The following FRMD4A variants were observed in gnomAD, a reference collection of about 807,000 sequenced individuals.
The protein encoded by FRMD4A is FERM domain-containing protein 4A.
FRMD4A carries 29 observed loss-of-function variants against 129.1 expected under a neutral mutation model. The observed-to-expected ratio is 0.22, with a 90% CI of 0.17 to 0.31. The LOEUF (loss-of-function observed/expected upper bound fraction) is 0.31. Ranked by LOEUF, FRMD4A falls within the 10% of genes least tolerant of loss-of-function variation. FRMD4A has a pLI of 1.00. For missense variants in FRMD4A, 1,272 were observed against 1,375.8 expected, an observed-to-expected ratio of 0.92 and a Z score of 1.19; for synonymous variants, 634 against 571.6, an observed-to-expected ratio of 1.11 and a Z score of -1.56.
At chr10:13,684,571 G>A in intron 15 of FRMD4A, 5 of 985,478 alleles carry the variant, frequency 5.1e-6, no homozygotes, top group Non-Finnish European at 4.8e-6. Context: ...GCCTCTTTCA[G>A]CCTCATTCAG....
Position 13,657,144 on chromosome 10 carries a change from GCCCCC to G in FRMD4A, c.2440_2444del (p.Gly814ArgfsTer184). 4 of 1,380,534 alleles carry G rather than the reference GCCCCC, an allele frequency of 2.9e-6. No homozygotes were observed. The highest frequency in any genetic ancestry group is 3.8e-6 in the Non-Finnish European group (4 of 1,039,100). 85.5% of individuals were successfully genotyped at this position (1,380,534 alleles called of 1,614,324 possible). A position where few individuals can be genotyped will look rare whatever the true frequency, so the allele number is the denominator to read the frequency against. On this transcript the variant is annotated frameshift_variant, in exon 22 of 25. Coordinates refer to ENST00000357447, the MANE Select transcript of FRMD4A (RefSeq NM_018027.5). LOFTEE classifies it high-confidence loss of function. ...TGTGCAGGTACACACCGCCCCCCGC[GCCCCC>G]CGCGCCCCCCGCACCCCCGCGCGCC...
chr10:14,172,094 T>C (rs1266246684), intron 2 of FRMD4A, among the ~76,000 whole-genome samples: 1 of 152,196 alleles, frequency 6.6e-6, no homozygotes, highest in Non-Finnish European at 1.5e-5. Flanking sequence ...ATGATGATAT[T>C]GTAGGTCACT....
chr10:13,939,576 C>T (rs2095275129), intron 2 of FRMD4A, among the ~76,000 whole-genome samples: 1 of 152,134 alleles, frequency 6.6e-6, no homozygotes, highest in African/African-American at 2.4e-5. Context: ...GTTATTTTTT[C>T]CTCCAGAAAA....
chr10:13,684,893 A>G (rs926321514), intron 15 of FRMD4A: 14 of 984,380 alleles, frequency 1.4e-5, no homozygotes, highest in Non-Finnish European at 1.6e-5. Flanking sequence ...AAAATGAAGA[A>G]GGCGGTATAT....
Position 13,810,892 on chromosome 10 carries a change from T to G in FRMD4A, c.128A>C (p.Lys43Thr). The part of the protein sequence containing the change: ...ELLVQPKLLA[K>T]ELLDLVASHF... ...AGAAGCCACAAGGTCAAGAAGCTCC[T>G]TGGCCAACAGCTTGGGCTGCAAGAA... Residue 43 changes from lysine to threonine, a missense_variant, in exon 4 of 25, where the codon AAG becomes ACG. Lys to Thr is a moderately conservative substitution (Grantham distance 78). This residue lies in a region of FRMD4A where 300 missense variants were observed against 483.6 expected (regional missense o/e 0.62). Coordinates refer to ENST00000357447, the MANE Select transcript of FRMD4A (RefSeq NM_018027.5). The G allele has an allele frequency of 1.3e-6, 2 of 1,592,550 alleles. No homozygotes were observed. The highest frequency in any genetic ancestry group is 1.3e-5 in the African/African-American group (1 of 74,606).
intron 2 of FRMD4A, among the ~76,000 whole-genome samples, chr10:14,003,089 G>A (rs1410312926): frequency 6.6e-6 from 1 of 152,114 alleles, no homozygotes; most frequent in Non-Finnish European, 1.5e-5. Flanking sequence ...GTTTTAGAAA[G>A]AGCACAGTGG....
chr10:13,792,372 C>T (rs1266120316), intron 5 of FRMD4A, among the ~76,000 whole-genome samples: 1 of 152,104 alleles, frequency 6.6e-6, no homozygotes, highest in Non-Finnish European at 1.5e-5. Context: ...GGCTGCCACA[C>T]TGAAGGGATA....
chr10:13,778,242 A>G (rs117688082), intron 6 of FRMD4A, among the ~76,000 whole-genome samples: 11,185 of 152,234 alleles, frequency 0.073, 640 homozygotes, highest in Non-Finnish European at 0.11. Context: ...TATTTAAAAA[A>G]AAAACCTGAT....
intron 2 of FRMD4A, among the ~76,000 whole-genome samples, chr10:14,256,249 T>G (rs568641653): frequency 6.6e-6 from 1 of 151,962 alleles, no homozygotes; most frequent in Non-Finnish European, 1.5e-5. Context: ...GAAACCCAGA[T>G]GATGAAAACT....
chr10:13,992,730 G>T (rs539289111), intron 2 of FRMD4A, among the ~76,000 whole-genome samples: 1 of 152,146 alleles, frequency 6.6e-6, no homozygotes, highest in Admixed American at 6.5e-5. Context: ...AAGACACGCG[G>T]ATCACCTGAG....
At chr10:13,682,036 A>G (rs1019440058) in intron 15 of FRMD4A, among the ~76,000 whole-genome samples, 2 of 151,510 alleles carry the variant, frequency 1.3e-5, no homozygotes, top group African/African-American at 4.8e-5. Context: ...CTTGGGCAAC[A>G]TAGCCAGACC....
intron 2 of FRMD4A, among the ~76,000 whole-genome samples, chr10:14,198,736 G>A (rs1289634841): frequency 2.0e-5 from 3 of 152,104 alleles, no homozygotes; most frequent in Non-Finnish European, 4.4e-5. Context: ...TCCATCCACG[G>A]TGCGTTATCT....
At chr10:13,950,665 T>C (rs994596230) in intron 2 of FRMD4A, among the ~76,000 whole-genome samples, 2 of 152,196 alleles carry the variant, frequency 1.3e-5, no homozygotes, top group African/African-American at 4.8e-5. Context: ...AGCCACACTG[T>C]CTTCCCTCTC....
chr10:13,720,291 C>T (rs1055443493), intron 12 of FRMD4A, among the ~76,000 whole-genome samples: 35 of 152,170 alleles, frequency 2.3e-4, no homozygotes, highest in African/African-American at 7.0e-4. Flanking sequence ...TCAGGCGATC[C>T]GCCCACCTCA....
intron 6 of FRMD4A, among the ~76,000 whole-genome samples, chr10:13,781,877 G>A (rs1049445627): frequency 3.3e-5 from 5 of 152,140 alleles, no homozygotes; most frequent in African/African-American, 1.2e-4. Flanking sequence ...CAGATGAAAA[G>A]AGCTCTTGGG....
Position 14,045,137 on chromosome 10 carries a change from G to A in FRMD4A, c.46-186225C>T, listed in dbSNP as rs138289133. Among the ~76,000 whole-genome samples the A allele has an allele frequency of 2.0e-4, 31 of 152,224 alleles. 1 individual carries two copies. The East Asian group carries it at 5.4e-3, about 27-fold the overall frequency. On this transcript the variant is annotated intron_variant, in intron 2 of 24. Transcript: ENST00000357447. ...TGGCTGGTCTTGAACTCCTGGACTC[G>A]AATGATCCTCCTAAACTGCTGGGAT...
At chr10:13,907,915 C>T (rs1326838276) in intron 2 of FRMD4A, among the ~76,000 whole-genome samples, 2 of 150,764 alleles carry the variant, frequency 1.3e-5, no homozygotes, top group Non-Finnish European at 2.9e-5. Context: ...CCTGTAATGC[C>T]AGCACTTTGG....
At chr10:13,712,386 C>T (rs947171740) in intron 12 of FRMD4A, among the ~76,000 whole-genome samples, 4 of 152,014 alleles carry the variant, frequency 2.6e-5, no homozygotes, top group Admixed American at 6.6e-5. Flanking sequence ...TAGTGGCACG[C>T]GCCTGTAATC....
intron 2 of FRMD4A, among the ~76,000 whole-genome samples, chr10:13,965,219 C>A (rs576735948): frequency 2.6e-5 from 4 of 152,180 alleles, no homozygotes; most frequent in Admixed American, 2.0e-4. Flanking sequence ...CAGCAAGAAC[C>A]CTCACCCTTA....
Sources: allele counts gnomAD v4.1 joint callset (sites outside exome capture counted in the v4.1 genomes callset), GRCh38; gene constraint gnomAD v4.1.1; regional missense constraint gnomAD v4.1.1; transcripts MANE v1.5; gene names NCBI Gene and HGNC (gene_info 2026-07-23, HGNC 2026-07-21).